Variants in SPINK13 observed in about 807,000 individuals in gnomAD.
SPINK13 encodes serine protease inhibitor Kazal-type 13.
Under a neutral mutation model 11.0 loss-of-function variants are expected in SPINK13, and 11 were observed. The observed-to-expected ratio is 1.00, with a 90% CI of 0.63 to 1.65. The LOEUF is 1.65. Among genes scored for constraint, SPINK13 ranks in the 40% most tolerant of loss-of-function variants. The pLI, the probability that SPINK13 is intolerant of heterozygous loss-of-function variation, is 0.00. For missense variants in SPINK13, 113 were observed against 117.7 expected, an observed-to-expected ratio of 0.96 and a Z score of 0.19; for synonymous variants, 31 against 35.6, an observed-to-expected ratio of 0.87 and a Z score of 0.46.
intron 3 of SPINK13, among the ~76,000 whole-genome samples, chr5:148,278,110 G>C (rs1756458886): frequency 6.6e-6 from 1 of 152,164 alleles, no homozygotes; most frequent in African/African-American, 2.4e-5. Flanking sequence ...TGGAGGGATT[G>C]CTCGTGATAT....
At chr5:148,270,184 C>G (rs1261429179) in intron 2 of SPINK13, 42 bp downstream of exon 2, 1 of 1,593,036 alleles carries the variant, frequency 6.3e-7, no homozygotes, top group African/African-American at 1.3e-5. Context: ...CTCTGATTTT[C>G]TTAAAGTTAT....
chr5:148,276,549 T>C (rs555568943), intron 3 of SPINK13, among the ~76,000 whole-genome samples: 6 of 152,210 alleles, frequency 3.9e-5, no homozygotes, highest in Non-Finnish European at 8.8e-5. Context: ...ATTTATTAAA[T>C]AGGGAATCCT....
intron 2 of SPINK13, among the ~76,000 whole-genome samples, chr5:148,273,604 T>C (rs1756381576): frequency 6.6e-6 from 1 of 152,302 alleles, no homozygotes; most frequent in East Asian, 1.9e-4. Context: ...AGAGTGTACA[T>C]GTAATCAGCA....
In SPINK13 at chr5:148,283,680, A is replaced by G. The variant is rs185415262; in HGVS notation, c.236+1449A>G. 5.9e-5 allele frequency among the ~76,000 whole-genome samples: 9 copies of G among 152,320 alleles called. 1 individual carries two copies. In the East Asian group the frequency reaches 1.5e-3, roughly 26 times the overall value. ...ATGAACGAGATACCAGACTATATAGAATAATTAAGTTACATTATCCTTCCT... is the reference window on the plus strand; with the variant it reads ...ATGAACGAGATACCAGACTATATAGGATAATTAAGTTACATTATCCTTCCT... On this transcript the variant is annotated intron_variant, in intron 4 of 4. Coordinates refer to ENST00000398450, the MANE Select transcript of SPINK13 (RefSeq NM_001040129.3).
At chr5:148,280,331 C>G (rs1483029767) in intron 3 of SPINK13, among the ~76,000 whole-genome samples, 1 of 152,048 alleles carries the variant, frequency 6.6e-6, no homozygotes, top group Non-Finnish European at 1.5e-5. Flanking sequence ...TCCTTGCTGC[C>G]AAGGAGTTGT....
chr5:148,271,992 CTACA>C (rs1488937941), intron 2 of SPINK13, among the ~76,000 whole-genome samples: 2 of 152,114 alleles, frequency 1.3e-5, no homozygotes, highest in African/African-American at 4.8e-5. Context: ...TTGCTTTTTC[CTACA>C]TATTGTTTAA....
At position 148,286,092 on chromosome 5, in the gene SPINK13, A is replaced by G. The variant is rs1264947469; in HGVS notation, c.*44A>G. 1 of 1,225,226 alleles carries G rather than the reference A, an allele frequency of 8.2e-7. No homozygotes were observed. The highest frequency in any genetic ancestry group is 1.1e-6 in the Non-Finnish European group (1 of 884,236). 75.9% of individuals were successfully genotyped at this position (1,225,226 alleles called of 1,614,324 possible). ...CACTTGCTTATTCTTTTTCTACTTA[A>G]TTCAGAATAGTATTTCTTTTAGAGT... On this transcript the variant is annotated 3_prime_UTR_variant, in exon 5 of 5. Coordinates refer to ENST00000398450, the MANE Select transcript of SPINK13 (RefSeq NM_001040129.3).
At chr5:148,273,671 C>A (rs1001895793) in intron 2 of SPINK13, among the ~76,000 whole-genome samples, 3 of 152,124 alleles carry the variant, frequency 2.0e-5, no homozygotes, top group Non-Finnish European at 4.4e-5. Context: ...TTCTAAATAT[C>A]GTGCAGAATT....
chr5:148,281,177 T>C (rs1391597063), intron 3 of SPINK13, among the ~76,000 whole-genome samples: 1 of 152,212 alleles, frequency 6.6e-6, no homozygotes, highest in Non-Finnish European at 1.5e-5. Flanking sequence ...ACTGCTGTGC[T>C]GGCAGCAAGA....
chr5:148,278,217 C>T (rs1003092799), intron 3 of SPINK13, among the ~76,000 whole-genome samples: 8 of 152,156 alleles, frequency 5.3e-5, no homozygotes, highest in African/African-American at 1.9e-4. Context: ...TTTCAAAAAA[C>T]CAGCTCCTAG....
chr5:148,275,411 C>G (rs546121415), intron 3 of SPINK13, among the ~76,000 whole-genome samples: 2 of 152,216 alleles, frequency 1.3e-5, no homozygotes, highest in African/African-American at 4.8e-5. Flanking sequence ...GGTTCCAAGT[C>G]TTTGCTATTG....
chr5:148,275,810 G>A (rs537493688), intron 3 of SPINK13, among the ~76,000 whole-genome samples: 1 of 151,922 alleles, frequency 6.6e-6, no homozygotes, highest in Non-Finnish European at 1.5e-5. Context: ...ACAGGCACCC[G>A]CCACCAAGCC....
chr5:148,273,724 A>T (rs1756383209), intron 2 of SPINK13, among the ~76,000 whole-genome samples: 1 of 152,244 alleles, frequency 6.6e-6, no homozygotes, highest in Admixed American at 6.5e-5. Context: ...GAAAGTCAGA[A>T]TATTCTATGA....
chr5:148,276,390 A>G (rs2400508), intron 3 of SPINK13, among the ~76,000 whole-genome samples: 31,775 of 152,054 alleles, frequency 0.21, 9,686 homozygotes, highest in African/African-American at 0.67. Flanking sequence ...TGTCCTAAAT[A>G]GTATTGCCTA....
In SPINK13 at chr5:148,286,167, C is replaced by G. The variant is rs1756588357; in HGVS notation, c.*119C>G. 1 of 543,340 alleles carries G rather than the reference C, an allele frequency of 1.8e-6. No homozygotes were observed. 33.7% of individuals were successfully genotyped at this position (543,340 alleles called of 1,614,324 possible). The stretch of plus-strand genomic sequence containing the variant: ...CCCTATGCTGTACTTAAATGTCGAA[C>G]AAAATGAGAGACAAAAATGAAGGAA... On this transcript the variant is annotated 3_prime_UTR_variant, in exon 5 of 5. Coordinates refer to ENST00000398450, the MANE Select transcript of SPINK13 (RefSeq NM_001040129.3).
At chr5:148,282,725 C>T (rs1229751471) in intron 4 of SPINK13, among the ~76,000 whole-genome samples, 1 of 152,156 alleles carries the variant, frequency 6.6e-6, no homozygotes, top group African/African-American at 2.4e-5. Context: ...GTCTTACATG[C>T]ATAAAAATTG....
chr5:148,272,300 ATG>A (rs1756362836), intron 2 of SPINK13, among the ~76,000 whole-genome samples: 1 of 152,214 alleles, frequency 6.6e-6, no homozygotes, highest in South Asian at 2.1e-4. Context: ...ATAGAAGATA[ATG>A]CCAGATGGTT....
At chr5:148,274,561 A>T (rs1000338907) in intron 3 of SPINK13, among the ~76,000 whole-genome samples, 177 bp downstream of exon 3, 1 of 152,180 alleles carries the variant, frequency 6.6e-6, no homozygotes, top group Non-Finnish European at 1.5e-5. Context: ...CGGCCTGAGC[A>T]ACATAGGAAG....
At chr5:148,284,610 C>A (rs1170025743) in intron 4 of SPINK13, among the ~76,000 whole-genome samples, 1 of 151,972 alleles carries the variant, frequency 6.6e-6, no homozygotes, top group Non-Finnish European at 1.5e-5. Context: ...ATTTTCATGC[C>A]ATTTCTATAT....
Sources: allele counts gnomAD v4.1 joint callset (sites outside exome capture counted in the v4.1 genomes callset), GRCh38; gene constraint gnomAD v4.1.1; transcripts MANE v1.5; gene names NCBI Gene and HGNC (gene_info 2026-07-23, HGNC 2026-07-21).